Variants in GPD2 observed in about 807,000 individuals in gnomAD.
GPD2 encodes glycerol-3-phosphate dehydrogenase 2, also known as glycerol-3-phosphate dehydrogenase, mitochondrial.
In GPD2, 54 loss-of-function variants were observed where a neutral mutation model predicts 82.4. The ratio of observed to expected loss-of-function variants is 0.66; its 90% confidence interval spans 0.53 to 0.82. GPD2 has a LOEUF of 0.82. GPD2 is among the 40% of genes least tolerant of loss of function. The pLI, the probability that GPD2 is intolerant of heterozygous loss-of-function variation, is 0.00. For synonymous variants in GPD2, 288 were observed against 306.1 expected, an observed-to-expected ratio of 0.94 and a Z score of 0.62; for missense variants, 748 against 896.2, an observed-to-expected ratio of 0.83 and a Z score of 2.11.
At chr2:156,525,245 G>A (rs1216941769) in intron 6 of GPD2, among the ~76,000 whole-genome samples, 1 of 152,110 alleles carries the variant, frequency 6.6e-6, no homozygotes, top group African/African-American at 2.4e-5. Context: ...TGTTCATATT[G>A]CCCATCTCTG....
chr2:156,529,850 T>G (rs977238650), intron 6 of GPD2, among the ~76,000 whole-genome samples: 9 of 152,150 alleles, frequency 5.9e-5, no homozygotes, highest in African/African-American at 2.2e-4. Context: ...AGCCTTGTAG[T>G]ATAGTTTGAA....
intron 2 of GPD2, among the ~76,000 whole-genome samples, chr2:156,478,125 G>T (rs1457183004): frequency 6.6e-6 from 1 of 151,888 alleles, no homozygotes; most frequent in Non-Finnish European, 1.5e-5. Context: ...TCTAATAATT[G>T]ATCTTAAAGA....
At chr2:156,538,471 T>A (rs1440558433) in intron 6 of GPD2, among the ~76,000 whole-genome samples, 2 of 142,774 alleles carry the variant, frequency 1.4e-5, no homozygotes, top group African/African-American at 2.5e-5. Context: ...TGACTCAGAT[T>A]GCTGTTAAAA....
At chr2:156,541,129 A>G (rs920872363) in intron 6 of GPD2, among the ~76,000 whole-genome samples, 6 of 152,204 alleles carry the variant, frequency 3.9e-5, no homozygotes, top group African/African-American at 7.2e-5. Context: ...TCTCATTACT[A>G]TTCTCCTTCC....
In GPD2 at chr2:156,550,644, C is replaced by T. The variant is rs1466087114; in HGVS notation, c.869C>T (p.Thr290Met). 6.2e-7 allele frequency: 1 copy of T among 1,613,872 alleles called. No homozygotes were observed. The highest frequency in any genetic ancestry group is 8.5e-7 in the Non-Finnish European group (1 of 1,179,762). The change falls in exon 8 of 17, where the codon ACG (threonine) becomes ATG (methionine). Residue 290 changes from threonine to methionine, a missense_variant. Physicochemically the swap from Thr to Met is moderately conservative, Grantham distance 81 (BLOSUM62 -1). Around this residue, in one of 3 missense-constraint regions of GPD2, gnomAD observed 692 missense variants for 809.7 expected, o/e 0.85. Coordinates refer to ENST00000438166, the MANE Select transcript of GPD2 (RefSeq NM_000408.5). Reference sequence around the variant, plus strand: ...AGAGCCAAATGTGTTATCAATGCCACGGGACCTTTCACGGACTCTGTGCGC... The same window carrying T: ...AGAGCCAAATGTGTTATCAATGCCATGGGACCTTTCACGGACTCTGTGCGC... ...DVRAKCVINA[T>M]GPFTDSVRKM...
At chr2:156,408,960 C>T in the GPD2 span, among the ~76,000 whole-genome samples, 2 of 152,098 alleles carry the variant, frequency 1.3e-5, no homozygotes, top group Non-Finnish European at 2.9e-5. Context: ...TTATGGTGGA[C>T]CCTAATCCAA....
intron 2 of GPD2, among the ~76,000 whole-genome samples, chr2:156,489,385 C>T (rs1031921786): frequency 6.6e-6 from 1 of 152,172 alleles, no homozygotes; most frequent in Non-Finnish European, 1.5e-5. Context: ...TTCCCACTTC[C>T]TTTCCTGGTT....
In GPD2 at chr2:156,476,216, CTG is replaced by C. The variant is rs767511428; in HGVS notation, c.102+11_102+12del. The C allele has an allele frequency of 1.4e-5, 20 of 1,420,924 alleles. No individual in the cohort carries two copies. The highest frequency in any genetic ancestry group is 2.8e-5 in the African/African-American group (2 of 71,316). The allele number at this position is 1,420,924 out of a possible 1,614,324, so 88.0% of individuals were successfully genotyped here. ...ATTACAGAAGGAAACAAGTAAGTAA[CTG>C]TACTTGTGTTGATTACAGTATGCAA... On this transcript the variant is annotated intron_variant, in intron 2 of 16. Transcript: ENST00000438166.
chr2:156,458,360 C>G (rs145781394), intron 1 of GPD2, among the ~76,000 whole-genome samples: 16 of 152,280 alleles, frequency 1.1e-4, no homozygotes, highest in African/African-American at 3.9e-4. Context: ...TTTGCAGTTT[C>G]TGGTTTGATT....
intron 3 of GPD2, among the ~76,000 whole-genome samples, chr2:156,499,810 G>GTT (rs766813953): frequency 7.1e-6 from 1 of 141,360 alleles, no homozygotes; most frequent in Non-Finnish European, 1.5e-5. Flanking sequence ...TTTTTGGGTG[G>GTT]TTTTTTTTTT....
At chr2:156,538,756 G>T (rs1198626521) in intron 6 of GPD2, among the ~76,000 whole-genome samples, 3 of 146,908 alleles carry the variant, frequency 2.0e-5, no homozygotes, top group Non-Finnish European at 4.4e-5. Flanking sequence ...AGGAGGGGGA[G>T]CTTGCAGTGA....
chr2:156,545,085 C>T (rs755353583), intron 6 of GPD2, among the ~76,000 whole-genome samples: 3 of 152,182 alleles, frequency 2.0e-5, no homozygotes, highest in Non-Finnish European at 2.9e-5. Flanking sequence ...CATGTGAGTA[C>T]GTGTGCATGT....
the GPD2 span, among the ~76,000 whole-genome samples, chr2:156,402,611 GT>G: frequency 2.0e-5 from 3 of 152,152 alleles, no homozygotes; most frequent in Admixed American, 1.3e-4. Flanking sequence ...CACTTTCATG[GT>G]GGGGACTACA....
chr2:156,498,155 A>T (rs970092937), intron 3 of GPD2, among the ~76,000 whole-genome samples: 10 of 152,292 alleles, frequency 6.6e-5, no homozygotes, highest in African/African-American at 2.2e-4. Flanking sequence ...ATATGTAGCC[A>T]TTCTTTTTAT....
rs551720730 is a variant in GPD2 at position 156,456,023 on chromosome 2, A to G, written c.-9+19510A>G. Among the ~76,000 whole-genome samples the G allele has an allele frequency of 3.3e-3, 506 of 152,334 alleles. 9 individuals are homozygous for G. Among genetic ancestry groups the G allele is most frequent in the African/African-American group, 0.012 (487 of 41,570 alleles). ...TGAGTGCAGAAAAAAACTGATGTCC[A>G]TGTAGTTATTTAGGATGGGAAACAG... On this transcript the variant is annotated intron_variant, in intron 1 of 16. Transcript: ENST00000438166.
At chr2:156,533,615 G>C (rs1349649677) in intron 6 of GPD2, among the ~76,000 whole-genome samples, 2 of 152,194 alleles carry the variant, frequency 1.3e-5, no homozygotes, top group African/African-American at 2.4e-5. Flanking sequence ...TGAATTTCAT[G>C]GTGTGTGATT....
At chr2:156,407,548 C>G in the GPD2 span, among the ~76,000 whole-genome samples, 2 of 152,080 alleles carry the variant, frequency 1.3e-5, no homozygotes, top group African/African-American at 2.4e-5. Context: ...AAGCAGTACC[C>G]CAAGGCCAAG....
upstream of GPD2, among the ~76,000 whole-genome samples, chr2:156,430,866 G>C (rs919670025): frequency 6.6e-6 from 1 of 152,212 alleles, no homozygotes; most frequent in African/African-American, 2.4e-5. Flanking sequence ...GGTGGGAAAA[G>C]GTCAATCCCA....
intron 3 of GPD2, among the ~76,000 whole-genome samples, chr2:156,509,715 T>C (rs2105267050): frequency 6.6e-6 from 1 of 151,774 alleles, no homozygotes; most frequent in East Asian, 1.9e-4. Context: ...GGGCAACTTC[T>C]AGAACTGACC....
Sources: allele counts gnomAD v4.1 joint callset (sites outside exome capture counted in the v4.1 genomes callset), GRCh38; gene constraint gnomAD v4.1.1; regional missense constraint gnomAD v4.1.1; transcripts MANE v1.5; gene names NCBI Gene and HGNC (gene_info 2026-07-23, HGNC 2026-07-21).